Variants in HAUS6 observed in about 807,000 individuals in gnomAD.
HAUS6 encodes the protein HAUS augmin like complex subunit 6, also known as HAUS augmin-like complex subunit 6.
A neutral mutation model predicts 106.8 loss-of-function variants in HAUS6; 80 were observed. The ratio of observed to expected loss-of-function variants is 0.75; its 90% CI spans 0.63 to 0.90. The LOEUF (loss-of-function observed/expected upper bound fraction) is 0.90. HAUS6 is among the 40% of genes least tolerant of loss of function. The pLI, the probability that HAUS6 is intolerant of heterozygous loss-of-function variation, is 0.00. For missense variants in HAUS6, 1,155 were observed against 1,118.1 expected, an observed-to-expected ratio of 1.03 and a Z score of -0.47; for synonymous variants, 356 against 379.1, an observed-to-expected ratio of 0.94 and a Z score of 0.71.
chr9:19,098,903 T>C (rs1257487115), intron 1 of HAUS6, among the ~76,000 whole-genome samples: 1 of 149,020 alleles, frequency 6.7e-6, no homozygotes, highest in Non-Finnish European at 1.5e-5. Context: ...ATGCCTAAAA[T>C]CCCAGCTACT....
intron 2 of HAUS6, among the ~76,000 whole-genome samples, chr9:19,096,082 T>G (rs1817855933): frequency 1.3e-5 from 2 of 152,166 alleles, no homozygotes. Context: ...TTTGCTTAAT[T>G]ATTAAGACCG....
Position 19,054,576 on chromosome 9 carries a change from G to C in HAUS6, c.*1767C>G, listed in dbSNP as rs1179472567. 1.3e-5 allele frequency: 2 copies of C among 151,888 alleles called. No individual in the cohort carries two copies. Among genetic ancestry groups the C allele is most frequent in the Non-Finnish European group, 2.9e-5 (2 of 67,946 alleles). The allele number at this position is 151,888 out of a possible 1,614,324, so 9.4% of individuals were successfully genotyped here. A position where few individuals can be genotyped will look rare whatever the true frequency, so the allele number is the denominator to read the frequency against. On this transcript the variant is annotated 3_prime_UTR_variant, in exon 17 of 17. Coordinates refer to ENST00000380502, the MANE Select transcript of HAUS6 (RefSeq NM_017645.5). ...TTTTTACAAATCCAAAATGTCTACA[G>C]ACATTCTGCTCTTTTGATTCTCAGT... is the stretch of plus-strand genomic sequence containing the variant.
intron 6 of HAUS6, 28 bp from the exon 7 acceptor site, chr9:19,086,810 T>C (rs1232875653): frequency 1.1e-6 from 1 of 915,058 alleles, no homozygotes; most frequent in East Asian, 2.5e-5. Context: ...ATCTAATTAG[T>C]CATATTAAAA....
chr9:19,101,254 C>T (rs897353337), intron 1 of HAUS6, among the ~76,000 whole-genome samples: 19 of 152,200 alleles, frequency 1.2e-4, no homozygotes, highest in African/African-American at 3.4e-4. Context: ...GGCTCGGTGG[C>T]TCACATCTGT....
chr9:19,068,045 T>G (rs1351714621), intron 12 of HAUS6, among the ~76,000 whole-genome samples: 1 of 151,808 alleles, frequency 6.6e-6, no homozygotes, highest in Non-Finnish European at 1.5e-5. Context: ...GAATAAAATC[T>G]GCTATATATA....
intron 2 of HAUS6, 62 bp downstream of exon 2, chr9:19,096,611 CA>C: frequency 2.0e-6 from 1 of 492,702 alleles, no homozygotes; most frequent in African/African-American, 2.5e-5. Context: ...TGGCTTGTAT[CA>C]AAACGCTGTC....
At chr9:19,067,949 C>T (rs1181999837) in intron 12 of HAUS6, among the ~76,000 whole-genome samples, 1 of 151,940 alleles carries the variant, frequency 6.6e-6, no homozygotes, top group Non-Finnish European at 1.5e-5. Flanking sequence ...CCACCTCAGC[C>T]TCCTAAAGTG....
At chr9:19,102,083 C>T (rs976304729) in intron 1 of HAUS6, among the ~76,000 whole-genome samples, 1 of 152,202 alleles carries the variant, frequency 6.6e-6, no homozygotes, top group Non-Finnish European at 1.5e-5. Context: ...TTTATGCTAA[C>T]TCCAACATGC....
Position 19,076,753 on chromosome 9 carries a change from C to G in HAUS6, c.1192-49G>C, listed in dbSNP as rs771926510. 3.7e-6 allele frequency: 3 copies of G among 808,368 alleles called. No individual in the cohort carries two copies. The Admixed American group carries it at 5.7e-5, about 15-fold the overall frequency. The allele number at this position is 808,368 out of a possible 1,614,324, so 50.1% of individuals were successfully genotyped here. ...TTGAAGTAAACATATTTGCTAACTA[C>G]CACAATAACAATACTGAGTTAATCT... On this transcript the variant is annotated intron_variant, in intron 10 of 16. Coordinates refer to ENST00000380502, the MANE Select transcript of HAUS6 (RefSeq NM_017645.5).
chr9:19,063,459 A>G (rs1239943638), intron 13 of HAUS6, 55 bp downstream of exon 13: 1 of 859,606 alleles, frequency 1.2e-6, no homozygotes, highest in African/African-American at 1.7e-5. Flanking sequence ...AAAATAAATA[A>G]TATTTTATAA....
chr9:19,102,385 G>A, intron 1 of HAUS6, 139 bp downstream of exon 1: 1 of 930,802 alleles, frequency 1.1e-6, no homozygotes, highest in South Asian at 1.6e-5. Context: ...CTGGGAGTAG[G>A]AACTTTGGAG....
chr9:19,102,012 G>C (rs981355560), intron 1 of HAUS6, among the ~76,000 whole-genome samples: 1 of 151,894 alleles, frequency 6.6e-6, no homozygotes, highest in South Asian at 2.1e-4. Context: ...GTAGGGAAGG[G>C]GCTTTTACTT....
In HAUS6 at chr9:19,078,517, G is replaced by A. The variant is rs138269774; in HGVS notation, c.1065-215C>T. Among the ~76,000 whole-genome samples, 1,442 of 152,300 alleles carry A rather than the reference G, an allele frequency of 9.5e-3. 22 individuals carry two copies. The highest frequency in any genetic ancestry group is 0.032 in the African/African-American group (1,345 of 41,562). Reference sequence around the variant, plus strand: ...ATGACCATAAAGAAGGCCGGGGGCAGTGTCTCATGCCTGTAATCCCAGCAG... The same window carrying A: ...ATGACCATAAAGAAGGCCGGGGGCAATGTCTCATGCCTGTAATCCCAGCAG... On this transcript the variant is annotated intron_variant, in intron 9 of 16. Coordinates refer to ENST00000380502, the MANE Select transcript of HAUS6 (RefSeq NM_017645.5).
intron 12 of HAUS6, among the ~76,000 whole-genome samples, chr9:19,066,749 T>A (rs1018075305): frequency 6.6e-6 from 1 of 150,984 alleles, no homozygotes; most frequent in African/African-American, 2.5e-5. Flanking sequence ...ACCCTAGCAT[T>A]TTGGGAGGTC....
At chr9:19,092,916 C>CAAAAAA (rs71494998) in intron 4 of HAUS6, among the ~76,000 whole-genome samples, 2 of 76,226 alleles carry the variant, frequency 2.6e-5, no homozygotes, top group African/African-American at 4.2e-5. Context: ...AACTGTGTCT[C>CAAAAAA]AAAAAAAAAA....
Position 19,096,754 on chromosome 9 carries a change from C to A in HAUS6, c.144G>T (p.Lys48Asn), listed in dbSNP as rs545227035. 1.3e-6 allele frequency: 2 copies of A among 1,539,060 alleles called. No homozygotes were observed. Among genetic ancestry groups the A allele is most frequent in the Non-Finnish European group, 1.8e-6 (2 of 1,132,222 alleles). Residue 48 changes from lysine (K) to asparagine (N), a missense_variant, in exon 2 of 17, where the codon AAG (lysine) becomes AAT (asparagine). By Grantham distance (94) the Lys-to-Asn change is moderately conservative. Transcript: ENST00000380502. ...HTHLGVNMFDKLNRDAFHIIS... is the reference protein window; with the variant it reads ...HTHLGVNMFDNLNRDAFHIIS... ...TTATATGAAAGGCATCACGGTTCAG[C>A]TTGTCAAACATGTTCCTAGTGGTTA...
At chr9:19,066,580 C>G (rs188893293) in intron 12 of HAUS6, among the ~76,000 whole-genome samples, 39 of 141,616 alleles carry the variant, frequency 2.8e-4, no homozygotes, top group Non-Finnish European at 6.0e-4. Flanking sequence ...AACTCCCCCC[C>G]ACACACACAA....
intron 1 of HAUS6, among the ~76,000 whole-genome samples, chr9:19,099,942 C>T (rs982542774): frequency 6.6e-6 from 1 of 152,140 alleles, no homozygotes; most frequent in Admixed American, 6.6e-5. Flanking sequence ...GCCTATAATC[C>T]CAGCACTTTG....
At chr9:19,059,434 C>T (rs1313384689) in intron 15 of HAUS6, among the ~76,000 whole-genome samples, 1 of 152,168 alleles carries the variant, frequency 6.6e-6, no homozygotes, top group Non-Finnish European at 1.5e-5. Context: ...AATGAATATG[C>T]TTATGTTCAA....
Sources: gnomAD v4.1 joint callset for allele counts (sites outside exome capture counted in the v4.1 genomes callset) on GRCh38, gnomAD v4.1.1 for gene constraint, MANE v1.5 for transcripts, NCBI Gene and HGNC (gene_info 2026-07-23, HGNC 2026-07-21) for gene names.